RRP15: variants seen among roughly 807,000 people sequenced by gnomAD.
RRP15 encodes RRP15-like protein.
RRP15 carries 18 observed loss-of-function variants against 27.1 expected under a neutral mutation model. The observed-to-expected ratio is 0.66, with a 90% CI of 0.46 to 0.98. The LOEUF (loss-of-function observed/expected upper bound fraction) is 0.98. RRP15 is among the 50% of genes least tolerant of loss of function. RRP15 has a pLI of 0.00. For synonymous variants in RRP15, 107 were observed against 109.4 expected, an observed-to-expected ratio of 0.98 and a Z score of 0.14; for missense variants, 359 against 337.8, an observed-to-expected ratio of 1.06 and a Z score of -0.49.
chr1:218,324,361 C>T (rs560488447), intron 4 of RRP15, among the ~76,000 whole-genome samples: 3 of 152,222 alleles, frequency 2.0e-5, no homozygotes, highest in Non-Finnish European at 4.4e-5. Flanking sequence ...TCCCAAGACG[C>T]GGCCGGCAGT....
intron 4 of RRP15, among the ~76,000 whole-genome samples, chr1:218,328,528 T>G (rs1656312268): frequency 6.6e-6 from 1 of 152,078 alleles, no homozygotes; most frequent in Non-Finnish European, 1.5e-5. Context: ...CCAGGCATGG[T>G]GGCAGGTGCC....
At position 218,317,242 on chromosome 1, in the gene RRP15, G is replaced by A. The variant is rs918402368; in HGVS notation, c.705+9610G>A. Reference sequence around the variant, plus strand: ...AGTAAGGATAGTGAGTAGAAGGACTGAGAGGGCACTTACTAGCGTATGCTT... The same window carrying A: ...AGTAAGGATAGTGAGTAGAAGGACTAAGAGGGCACTTACTAGCGTATGCTT... On this transcript the variant is annotated intron_variant, in intron 4 of 4. Transcript: ENST00000366932. Among the ~76,000 whole-genome samples, 50 of 152,252 alleles carry A rather than the reference G, an allele frequency of 3.3e-4. 1 individual carries two copies. The highest frequency in any genetic ancestry group is 1.2e-3 in the African/African-American group (49 of 41,466).
At chr1:218,298,490 A>C (rs1313190550) in intron 1 of RRP15, among the ~76,000 whole-genome samples, 2 of 152,134 alleles carry the variant, frequency 1.3e-5, no homozygotes, top group African/African-American at 4.8e-5. Context: ...ATGTTGAGGG[A>C]CTGTGAGCCT....
intron 1 of RRP15, 196 bp from the exon 2 acceptor site, chr1:218,302,096 GGC>G: frequency 1.9e-6 from 1 of 519,656 alleles, no homozygotes; most frequent in Middle Eastern, 5.0e-4. Flanking sequence ...TATGTGGCTG[GGC>G]GAGGTCTCTG....
chr1:218,286,713 A>G (rs546821884), intron 1 of RRP15, among the ~76,000 whole-genome samples: 2 of 152,214 alleles, frequency 1.3e-5, no homozygotes, highest in Non-Finnish European at 2.9e-5. Flanking sequence ...TGAATGAATT[A>G]ACCTGGACTT....
chr1:218,288,142 G>A lies in RRP15; in HGVS notation c.139+2687G>A, dbSNP rs1194336966. Among the ~76,000 whole-genome samples the A allele has an allele frequency of 2.6e-5, 4 of 152,302 alleles. No homozygotes were observed. In the East Asian group the frequency reaches 7.7e-4, roughly 29 times the overall value. On this transcript the variant is annotated intron_variant, in intron 1 of 4. Coordinates refer to ENST00000366932, the MANE Select transcript of RRP15 (RefSeq NM_016052.4). Reference sequence around the variant, plus strand: ...CTATTGAGAACTTTTAAGCAAGATGGTGACAGTTGTTTATAAATATTACTG... The same window carrying A: ...CTATTGAGAACTTTTAAGCAAGATGATGACAGTTGTTTATAAATATTACTG...
At chr1:218,292,368 C>T (rs1227892200) in intron 1 of RRP15, among the ~76,000 whole-genome samples, 1 of 152,188 alleles carries the variant, frequency 6.6e-6, no homozygotes, top group African/African-American at 2.4e-5. Flanking sequence ...CACAACCCGT[C>T]AGCATTATGC....
chr1:218,322,963 C>A (rs561662573), intron 4 of RRP15, among the ~76,000 whole-genome samples: 1 of 152,328 alleles, frequency 6.6e-6, no homozygotes, highest in South Asian at 2.1e-4. Context: ...GGGTCCATAG[C>A]TCCCGGCAAT....
At chr1:218,314,990 CAAAAAAAAA>C (rs76826029) in intron 4 of RRP15, among the ~76,000 whole-genome samples, 1 of 61,800 alleles carries the variant, frequency 1.6e-5, no homozygotes, top group Non-Finnish European at 3.5e-5. Context: ...GGCTCCATCT[CAAAAAAAAA>C]AAAAAAAAAA....
chr1:218,302,963 T>C (rs780482764), intron 2 of RRP15, among the ~76,000 whole-genome samples: 14 of 152,126 alleles, frequency 9.2e-5, no homozygotes, highest in Non-Finnish European at 1.9e-4. Context: ...TCTGTGACAA[T>C]GTCGTAACTC....
chr1:218,295,817 A>G (rs1212420949), intron 1 of RRP15, among the ~76,000 whole-genome samples: 1 of 152,200 alleles, frequency 6.6e-6, no homozygotes, highest in Non-Finnish European at 1.5e-5. Context: ...AGCACATGTA[A>G]TCACATCTGA....
chr1:218,311,000 C>T (rs1202119613), intron 4 of RRP15, among the ~76,000 whole-genome samples: 4 of 152,044 alleles, frequency 2.6e-5, no homozygotes, highest in African/African-American at 7.2e-5. Flanking sequence ...CCGCCTGCCT[C>T]GGCCTCCCAA....
At chr1:218,326,461 GT>G (rs1288099302) in intron 4 of RRP15, among the ~76,000 whole-genome samples, 1 of 151,588 alleles carries the variant, frequency 6.6e-6, no homozygotes, top group Non-Finnish European at 1.5e-5. Flanking sequence ...TAAATTTTGT[GT>G]TTGCATTGTT....
Position 218,335,187 on chromosome 1 carries a change from C to T in RRP15, c.*4096C>T, listed in dbSNP as rs1317123532. 2 of 151,928 alleles carry T rather than the reference C, an allele frequency of 1.3e-5. No homozygotes were observed. The highest frequency in any genetic ancestry group is 2.4e-5 in the African/African-American group (1 of 41,330). The allele number at this position is 151,928 out of a possible 1,614,324, so 9.4% of individuals were successfully genotyped here. ...AGAGAGCAATATTAATATTTTTTACCTAGTCTACTGAACATAATTTCAGGG... is the reference window on the plus strand; with the variant it reads ...AGAGAGCAATATTAATATTTTTTACTTAGTCTACTGAACATAATTTCAGGG... On this transcript the variant is annotated 3_prime_UTR_variant, in exon 5 of 5. Coordinates refer to ENST00000366932, the MANE Select transcript of RRP15 (RefSeq NM_016052.4).
At position 218,337,572 on chromosome 1, in the gene RRP15, A is replaced by G. The variant is rs1424400042; in HGVS notation, c.*6481A>G. 1 of 152,232 alleles carries G rather than the reference A, an allele frequency of 6.6e-6. No individual in the cohort carries two copies. The highest frequency in any genetic ancestry group is 2.4e-5 in the African/African-American group (1 of 41,458). 9.4% of individuals were successfully genotyped at this position (152,232 alleles called of 1,614,324 possible). On this transcript the variant is annotated 3_prime_UTR_variant, in exon 5 of 5. Transcript: ENST00000366932. ...ATATGTTAACTGAAAAAGTAAGATT[A>G]AAAACATTATGGATAGTATAAGTTT...
chr1:218,317,202 G>A (rs1323082789), intron 4 of RRP15, among the ~76,000 whole-genome samples: 1 of 152,222 alleles, frequency 6.6e-6, no homozygotes, highest in African/African-American at 2.4e-5. Context: ...GATACACAAT[G>A]ACTCGGCATC....
At chr1:218,291,707 TTTTTAG>T (rs1197665418) in intron 1 of RRP15, among the ~76,000 whole-genome samples, 4 of 151,858 alleles carry the variant, frequency 2.6e-5, no homozygotes, top group Admixed American at 2.0e-4. Flanking sequence ...AATTTTTGTA[TTTTTAG>T]TAGAGACGGG....
chr1:218,320,926 T>C (rs1656177401), intron 4 of RRP15, among the ~76,000 whole-genome samples: 1 of 152,180 alleles, frequency 6.6e-6, no homozygotes, highest in Non-Finnish European at 1.5e-5. Flanking sequence ...AACTGAACTT[T>C]CTTGTTAGGG....
At position 218,334,148 on chromosome 1, in the gene RRP15, A is replaced by G. The variant is rs1472580632; in HGVS notation, c.*3057A>G. 6.6e-6 allele frequency: 1 copy of G among 152,164 alleles called. No individual in the cohort carries two copies. The highest frequency in any genetic ancestry group is 1.5e-5 in the Non-Finnish European group (1 of 68,024). 9.4% of individuals were successfully genotyped at this position (152,164 alleles called of 1,614,324 possible). A position where few individuals can be genotyped will look rare whatever the true frequency, so the allele number is the denominator to read the frequency against. On this transcript the variant is annotated 3_prime_UTR_variant, in exon 5 of 5. Transcript: ENST00000366932. ...TGATAATACCTGATTAGGACTGAAA[A>G]TAGAATTATCTTAGTAGTTTAGCAC...
Sources: allele counts gnomAD v4.1 joint callset (sites outside exome capture counted in the v4.1 genomes callset), GRCh38; gene constraint gnomAD v4.1.1; transcripts MANE v1.5; gene names NCBI Gene and HGNC (gene_info 2026-07-23, HGNC 2026-07-21).